Variants in N4BP2L1 observed in about 807,000 individuals in gnomAD.
The protein encoded by N4BP2L1 is NEDD4-binding protein 2-like 1.
N4BP2L1 carries 12 observed loss-of-function variants against 21.2 expected under a neutral mutation model. The observed-to-expected ratio is 0.57, with a 90% CI of 0.36 to 0.92. N4BP2L1 has a LOEUF of 0.92. Among genes scored for constraint, N4BP2L1 ranks in the 40% least tolerant of loss-of-function variants. N4BP2L1 has a pLI of 0.01. For missense variants in N4BP2L1, 259 were observed against 310.6 expected, an observed-to-expected ratio of 0.83 and a Z score of 1.25; for synonymous variants, 104 against 112.8, an observed-to-expected ratio of 0.92 and a Z score of 0.49.
intron 1 of N4BP2L1, 118 bp downstream of exon 1, chr13:32,427,786 A>T: frequency 3.8e-6 from 2 of 522,952 alleles, no homozygotes; most frequent in Non-Finnish European, 5.6e-6. Flanking sequence ...GGGCCGCGGC[A>T]GGCACCCGCG....
chr13:32,419,592 C>G (rs1298704985), intron 1 of N4BP2L1, among the ~76,000 whole-genome samples: 2 of 151,832 alleles, frequency 1.3e-5, no homozygotes, highest in Non-Finnish European at 2.9e-5. Flanking sequence ...TTTCATAAGG[C>G]TTTTCCCCCT....
At chr13:32,424,085 G>C (rs1203488878) in intron 1 of N4BP2L1, among the ~76,000 whole-genome samples, 2 of 152,204 alleles carry the variant, frequency 1.3e-5, no homozygotes, top group Non-Finnish European at 2.9e-5. Context: ...CATCTGCTGA[G>C]AATGAAAGGG....
chr13:32,413,075 C>T (rs1282266688), intron 1 of N4BP2L1, among the ~76,000 whole-genome samples: 2 of 152,030 alleles, frequency 1.3e-5, no homozygotes, highest in Non-Finnish European at 2.9e-5. Flanking sequence ...AGGCGCCCAC[C>T]ACCATGCCCA....
rs1368658961 is a variant in N4BP2L1, at chr13:32,402,032, T to TA, written c.*909dup. The TA allele has an allele frequency of 1.0e-6, 1 of 985,470 alleles. No homozygotes were observed. The highest frequency in any genetic ancestry group is 1.1e-4 in the East Asian group (1 of 8,816). 61.0% of individuals were successfully genotyped at this position (985,470 alleles called of 1,614,324 possible). Reference sequence around the variant, plus strand: ...CATTTTGTAATGAGCATGGCTTTTATATATCCCTGTATGACCTATATCCTG... The same window carrying TA: ...CATTTTGTAATGAGCATGGCTTTTATAATATCCCTGTATGACCTATATCCTG... On this transcript the variant is annotated 3_prime_UTR_variant, in exon 5 of 5. Transcript: ENST00000380130.
At chr13:32,422,654 G>C (rs1461409282) in intron 1 of N4BP2L1, among the ~76,000 whole-genome samples, 3 of 152,114 alleles carry the variant, frequency 2.0e-5, no homozygotes, top group African/African-American at 4.8e-5. Context: ...AATCTTTCCT[G>C]ATACAGCCTC....
intron 3 of N4BP2L1, among the ~76,000 whole-genome samples, chr13:32,405,843 G>A (rs1384557838): frequency 1.3e-5 from 2 of 151,004 alleles, no homozygotes; most frequent in South Asian, 2.1e-4. Context: ...AACCAGGTAG[G>A]GATTCTGCAT....
chr13:32,428,245 A>AG, upstream of N4BP2L1: 1 of 597,320 alleles, frequency 1.7e-6, no homozygotes, highest in Non-Finnish European at 2.5e-6. Context: ...GCTGCGTGGG[A>AG]GGGGGCGTCC....
chr13:32,415,076 A>T lies in N4BP2L1; in HGVS notation c.180-7304T>A, dbSNP rs1436743167. Among the ~76,000 whole-genome samples, 8 of 152,386 alleles carry T rather than the reference A, an allele frequency of 5.2e-5. No homozygotes were observed. In the East Asian group the frequency reaches 1.3e-3, roughly 26 times the overall value. On this transcript the variant is annotated intron_variant, in intron 1 of 4. Transcript: ENST00000380130. ...TAACAGTGGTGGCTTCAATAAAATT[A>T]AAATGTCTATATCTTGTGTGTAAAA...
In N4BP2L1 at chr13:32,419,520, C is replaced by T. The variant is rs1405490301; in HGVS notation, c.179+8384G>A. 1.6e-5 allele frequency: 5 copies of T among 304,276 alleles called. No homozygotes were observed. The Admixed American group carries it at 2.1e-4, about 13-fold the overall frequency. 18.8% of individuals were successfully genotyped at this position (304,276 alleles called of 1,614,324 possible). A position where few individuals can be genotyped will look rare whatever the true frequency, so the allele number is the denominator to read the frequency against. The stretch of plus-strand genomic sequence containing the variant: ...CTCCTGACTTCAGGTGATCTGCCTG[C>T]CTTGGCCTCCCAAAGTGCTGGGATT... On this transcript the variant is annotated intron_variant, in intron 1 of 4. Transcript: ENST00000380130.
chr13:32,403,902 T>A (rs1593222140), intron 4 of N4BP2L1: 2 of 491,540 alleles, frequency 4.1e-6, no homozygotes, highest in Admixed American at 6.5e-5. Flanking sequence ...TAGTATTATT[T>A]GAACATTTAT....
At chr13:32,410,180 G>A (rs2073770172) in intron 1 of N4BP2L1, among the ~76,000 whole-genome samples, 1 of 152,244 alleles carries the variant, frequency 6.6e-6, no homozygotes, top group East Asian at 1.9e-4. Context: ...GGGTCCCTGC[G>A]GCAGCTGCGT....
In N4BP2L1 at chr13:32,404,973, T is replaced by C. The variant is rs573189331; in HGVS notation, c.397-576A>G. The stretch of plus-strand genomic sequence containing the variant: ...TAATTTCCTTATAAACATCCAAATA[T>C]TCTTTGCATTCATAAATTGACTACT... On this transcript the variant is annotated intron_variant, in intron 3 of 4. Transcript: ENST00000380130. Among the ~76,000 whole-genome samples, 14 of 152,310 alleles carry C rather than the reference T, an allele frequency of 9.2e-5. No homozygotes were observed. In the South Asian group the frequency reaches 2.9e-3, roughly 32 times the overall value.
intron 2 of N4BP2L1, 112 bp downstream of exon 2, chr13:32,407,533 A>C (rs1262004432): frequency 1.3e-6 from 2 of 1,597,712 alleles, no homozygotes; most frequent in South Asian, 2.2e-5. Context: ...TTTGGGGGAA[A>C]AATTGGCAGA....
At chr13:32,420,209 C>T (rs894925587) in intron 1 of N4BP2L1, among the ~76,000 whole-genome samples, 8 of 152,252 alleles carry the variant, frequency 5.3e-5, no homozygotes, top group African/African-American at 9.6e-5. Context: ...CCCTCATTCT[C>T]GTTTGTCAGT....
chr13:32,413,615 A>ATATGG (rs2073975934), intron 1 of N4BP2L1, among the ~76,000 whole-genome samples: 1 of 152,098 alleles, frequency 6.6e-6, no homozygotes, highest in African/African-American at 2.4e-5. Flanking sequence ...ATATTAACTA[A>ATATGG]TATGGGGGAC....
At chr13:32,425,570 C>T (rs929551620) in intron 1 of N4BP2L1, 4 of 152,212 alleles carry the variant, frequency 2.6e-5, no homozygotes, top group African/African-American at 9.7e-5. Context: ...CTCCCACACA[C>T]ATTTAATGTT....
intron 1 of N4BP2L1, among the ~76,000 whole-genome samples, chr13:32,424,089 GA>G (rs2074633370): frequency 6.6e-6 from 1 of 152,214 alleles, no homozygotes; most frequent in Admixed American, 6.5e-5. Flanking sequence ...TGCTGAGAAT[GA>G]AAGGGTCTTG....
At chr13:32,409,185 G>A (rs535718353) in intron 1 of N4BP2L1, among the ~76,000 whole-genome samples, 6 of 152,242 alleles carry the variant, frequency 3.9e-5, no homozygotes, top group Admixed American at 1.3e-4. Context: ...GGAGATGAAA[G>A]ACAAAACTAA....
At position 32,401,840 on chromosome 13, in the gene N4BP2L1, AAT is replaced by A; in HGVS notation, c.*1100_*1101del. 1.3e-6 allele frequency: 1 copy of A among 768,420 alleles called. No individual in the cohort carries two copies. Among genetic ancestry groups the A allele is most frequent in the South Asian group, 5.9e-5 (1 of 16,948 alleles). 47.6% of individuals were successfully genotyped at this position (768,420 alleles called of 1,614,324 possible). A position where few individuals can be genotyped will look rare whatever the true frequency, so the allele number is the denominator to read the frequency against. On this transcript the variant is annotated 3_prime_UTR_variant, in exon 5 of 5. Coordinates refer to ENST00000380130, the MANE Select transcript of N4BP2L1 (RefSeq NM_052818.3). ...AGAAAGAAGCTGTTGGCCAACAAGA[AAT>A]AGAGCATACGTCCTCTGTGGTCTTG...
Sources: allele counts gnomAD v4.1 joint callset (sites outside exome capture counted in the v4.1 genomes callset), GRCh38; gene constraint gnomAD v4.1.1; transcripts MANE v1.5; gene names NCBI Gene and HGNC (gene_info 2026-07-23, HGNC 2026-07-21).